BICDL1: variants seen among roughly 807,000 people sequenced by gnomAD.
The protein encoded by BICDL1 is BICD family like cargo adaptor 1.
Under a neutral mutation model 76.8 loss-of-function variants are expected in BICDL1, and 20 were observed. The ratio of observed to expected loss-of-function variants is 0.26; its 90% confidence interval spans 0.18 to 0.38. The LOEUF is 0.38. Ranked by LOEUF, BICDL1 falls within the 10% of genes least tolerant of loss-of-function variation. The pLI is 1.00. For synonymous variants in BICDL1, 383 were observed against 337.1 expected, an observed-to-expected ratio of 1.14 and a Z score of -1.49; for missense variants, 700 against 798.6, an observed-to-expected ratio of 0.88 and a Z score of 1.49.
At chr12:120,072,980 C>G (rs1185360624) in intron 6 of BICDL1, among the ~76,000 whole-genome samples, 1 of 152,206 alleles carries the variant, frequency 6.6e-6, no homozygotes, top group Non-Finnish European at 1.5e-5. Flanking sequence ...AAGTGATTCT[C>G]GTGCCTCAGC....
At chr12:120,069,605 G>T (rs1398805203) in intron 4 of BICDL1, among the ~76,000 whole-genome samples, 1 of 152,110 alleles carries the variant, frequency 6.6e-6, no homozygotes, top group Non-Finnish European at 1.5e-5. Flanking sequence ...GGTTGGGTGG[G>T]GGTAGAAACT....
At chr12:120,077,667 C>G (rs908060467) in intron 7 of BICDL1, among the ~76,000 whole-genome samples, 1 of 152,174 alleles carries the variant, frequency 6.6e-6, no homozygotes, top group East Asian at 1.9e-4. Context: ...CTGGGTGCCT[C>G]TCCTCTGAAA....
At chr12:119,994,376 A>G (rs899261424) in intron 1 of BICDL1, among the ~76,000 whole-genome samples, 7 of 148,374 alleles carry the variant, frequency 4.7e-5, no homozygotes, top group African/African-American at 7.5e-5. Flanking sequence ...TTCTGAGCAT[A>G]TTGTCAGTTT....
At chr12:120,035,626 G>A (rs575245356) in intron 2 of BICDL1, among the ~76,000 whole-genome samples, 2 of 152,228 alleles carry the variant, frequency 1.3e-5, no homozygotes, top group South Asian at 4.2e-4. Context: ...TCTGAGAAAT[G>A]CCCTTGCGTC....
At chr12:119,990,444 A>C (rs1389480282) in intron 1 of BICDL1, 147 bp downstream of exon 1, 2 of 1,429,142 alleles carry the variant, frequency 1.4e-6, no homozygotes, top group African/African-American at 2.9e-5. Flanking sequence ...GGGAGGATGG[A>C]GGATTATCAG....
chr12:119,991,703 G>C (rs751753342), intron 1 of BICDL1, among the ~76,000 whole-genome samples: 5 of 151,780 alleles, frequency 3.3e-5, no homozygotes, highest in Non-Finnish European at 4.4e-5. Context: ...AATTTCTTCA[G>C]TGAAGGACTT....
chr12:119,990,382 C>G lies in BICDL1; in HGVS notation c.429+85C>G, dbSNP rs547192772. ...CCTGGGCAGTTAGGGAACCACTCAC[C>G]CCCACTTCGTTGCTCACCCTACCTC... On this transcript the variant is annotated intron_variant, in intron 1 of 9. Transcript: ENST00000548673. 152 of 1,509,458 alleles carry G rather than the reference C, an allele frequency of 1.0e-4. 1 individual carries two copies. The Admixed American group carries it at 1.3e-3, about 13-fold the overall frequency. 93.5% of individuals were successfully genotyped at this position (1,509,458 alleles called of 1,614,324 possible).
intron 2 of BICDL1, among the ~76,000 whole-genome samples, chr12:120,049,847 A>T (rs1952819753): frequency 6.6e-6 from 1 of 152,144 alleles, no homozygotes; most frequent in East Asian, 1.9e-4. Flanking sequence ...TGTGTTCTTA[A>T]ACTCTGTCCA....
chr12:120,077,302 G>C (rs889949437), intron 7 of BICDL1, among the ~76,000 whole-genome samples: 2 of 152,176 alleles, frequency 1.3e-5, no homozygotes, highest in African/African-American at 4.8e-5. Context: ...TGTGCTTAAG[G>C]AACAAAGTCC....
intron 2 of BICDL1, among the ~76,000 whole-genome samples, chr12:120,028,013 C>T (rs1213220759): frequency 1.3e-5 from 2 of 152,206 alleles, no homozygotes; most frequent in Non-Finnish European, 2.9e-5. Flanking sequence ...GGGTATTAAT[C>T]TCACTCTGCA....
rs138815331 is a variant in BICDL1, at chr12:120,058,035, G to A, written c.646-3675G>A. 1.1e-3 allele frequency among the ~76,000 whole-genome samples: 167 copies of A among 151,608 alleles called. 6 individuals carry two copies. In the East Asian group the frequency reaches 0.028, roughly 25 times the overall value. On this transcript the variant is annotated intron_variant, in intron 2 of 9. Transcript: ENST00000548673. ...TTTTTAGAAGAGACGGAGTTTCACC[G>A]TGTTAGCCAGGATGGTCTCGATCTC...
chr12:120,081,572 C>G (rs1489963295), intron 8 of BICDL1, among the ~76,000 whole-genome samples: 1 of 152,032 alleles, frequency 6.6e-6, no homozygotes, highest in Non-Finnish European at 1.5e-5. Flanking sequence ...TGGTCTCCAA[C>G]TCCTGACCTC....
In BICDL1 at chr12:120,071,935, T is replaced by C; in HGVS notation, c.1089+134T>C. The C allele has an allele frequency of 7.2e-7, 1 of 1,383,324 alleles. No individual in the cohort carries two copies. The highest frequency in any genetic ancestry group is 9.4e-7 in the Non-Finnish European group (1 of 1,064,708). 85.7% of individuals were successfully genotyped at this position (1,383,324 alleles called of 1,614,324 possible). On this transcript the variant is annotated intron_variant, in intron 5 of 9. Coordinates refer to ENST00000548673, the MANE Select transcript of BICDL1 (RefSeq NM_001367886.1). The surrounding 1 kb of genome is among the most constrained non-coding windows in gnomAD (Gnocchi z 4.8). ...TGTGTCAGCCCCTTGGCCTGCTGGCTAGAGTGTCATGAAGCAGGCCCTGAT... is the reference window on the plus strand; with the variant it reads ...TGTGTCAGCCCCTTGGCCTGCTGGCCAGAGTGTCATGAAGCAGGCCCTGAT...
intron 2 of BICDL1, among the ~76,000 whole-genome samples, chr12:120,001,838 C>G (rs1951765809): frequency 1.3e-5 from 2 of 152,196 alleles, no homozygotes; most frequent in Admixed American, 1.3e-4. Context: ...TCACTTGAGG[C>G]CAAGAGCTTG....
At position 120,050,153 on chromosome 12, in the gene BICDL1, C is replaced by T. The variant is rs77699494; in HGVS notation, c.646-11557C>T. Among the ~76,000 whole-genome samples the T allele has an allele frequency of 2.6e-4, 40 of 151,874 alleles. No homozygotes were observed. In the East Asian group the frequency reaches 7.1e-3, roughly 27 times the overall value. On this transcript the variant is annotated intron_variant, in intron 2 of 9. Coordinates refer to ENST00000548673, the MANE Select transcript of BICDL1 (RefSeq NM_001367886.1). ...TGTTTTGCTCATTTAAAAAATTACGCGTCTTTTTATTGAGTTAGAGGTTTT... is the reference window on the plus strand; with the variant it reads ...TGTTTTGCTCATTTAAAAAATTACGTGTCTTTTTATTGAGTTAGAGGTTTT...
chr12:120,024,467 A>G (rs1323269495), intron 2 of BICDL1, among the ~76,000 whole-genome samples: 1 of 152,234 alleles, frequency 6.6e-6, no homozygotes, highest in Non-Finnish European at 1.5e-5. Context: ...AAGTAAAAAA[A>G]CATCTAGCAG....
chr12:120,042,435 G>A (rs1428114480), intron 2 of BICDL1, among the ~76,000 whole-genome samples: 1 of 152,188 alleles, frequency 6.6e-6, no homozygotes, highest in South Asian at 2.1e-4. Context: ...CAAATCAGGA[G>A]TTCAGGTTTG....
At chr12:120,050,129 G>GTT (rs1185890013) in intron 2 of BICDL1, among the ~76,000 whole-genome samples, 1 of 151,970 alleles carries the variant, frequency 6.6e-6, no homozygotes, top group Non-Finnish European at 1.5e-5. Flanking sequence ...CTGTTCGAAT[G>GTT]TTTTGCTCAT....
At chr12:120,085,548 G>A (rs948092130) in intron 8 of BICDL1, among the ~76,000 whole-genome samples, 2 of 152,192 alleles carry the variant, frequency 1.3e-5, no homozygotes, top group African/African-American at 4.8e-5. Context: ...AGGCAAGGGC[G>A]CCTGTAATCC....
Sources: allele counts gnomAD v4.1 joint callset (sites outside exome capture counted in the v4.1 genomes callset), GRCh38; gene constraint gnomAD v4.1.1; non-coding constraint Gnocchi (gnomAD v3.1); transcripts MANE v1.5; gene names NCBI Gene and HGNC (gene_info 2026-07-23, HGNC 2026-07-21).